ADAMTSL1: variants seen among roughly 807,000 people sequenced by gnomAD.
The protein encoded by ADAMTSL1 is ADAMTS like 1.
Under a neutral mutation model 201.8 loss-of-function variants are expected in ADAMTSL1, and 126 were observed. The observed-to-expected ratio is 0.62, with a 90% confidence interval of 0.54 to 0.72. The LOEUF is 0.72. Ranked by LOEUF, ADAMTSL1 falls within the 30% of genes least tolerant of loss-of-function variation. ADAMTSL1 has a pLI of 0.00. For missense variants in ADAMTSL1, 2,679 were observed against 2,277.8 expected (o/e 1.18, Z -3.59); for synonymous variants, 1,121 against 903.4 (o/e 1.24, Z -4.32).
chr9:18,726,545 C>T (rs1045065421), intron 15 of ADAMTSL1, among the ~76,000 whole-genome samples: 2 of 151,884 alleles, frequency 1.3e-5, no homozygotes, highest in Admixed American at 6.6e-5. Flanking sequence ...CAACTATCTC[C>T]CTGGTTTACA....
At chr9:18,038,632 A>C (rs1374776861) in intron 1 of ADAMTSL1, among the ~76,000 whole-genome samples, 1 of 152,244 alleles carries the variant, frequency 6.6e-6, no homozygotes, top group Non-Finnish European at 1.5e-5. Context: ...TAGATGAACT[A>C]GCATTACCTA....
intron 4 of ADAMTSL1, among the ~76,000 whole-genome samples, chr9:18,611,819 G>A (rs963341847): frequency 1.3e-5 from 2 of 152,138 alleles, no homozygotes; most frequent in Admixed American, 6.6e-5. Flanking sequence ...ATGAAACCAC[G>A]TCCTCCTCTA....
intron 26 of ADAMTSL1, among the ~76,000 whole-genome samples, chr9:18,903,144 G>T (rs1455052924): frequency 6.6e-6 from 1 of 152,152 alleles, no homozygotes; most frequent in African/African-American, 2.4e-5. Flanking sequence ...GGTGGAAGTT[G>T]CAGTGAGCAG....
chr9:18,891,036 A>G (rs1346097087), intron 25 of ADAMTSL1, among the ~76,000 whole-genome samples: 1 of 152,194 alleles, frequency 6.6e-6, no homozygotes, highest in African/African-American at 2.4e-5. Context: ...TGGGTTGGAA[A>G]TCTGCGTTCA....
At chr9:18,013,033 C>A (rs889099967) in intron 1 of ADAMTSL1, among the ~76,000 whole-genome samples, 1 of 150,850 alleles carries the variant, frequency 6.6e-6, no homozygotes, top group Non-Finnish European at 1.5e-5. Context: ...TTAATTTTTC[C>A]TTTTCTTATC....
intron 2 of ADAMTSL1, among the ~76,000 whole-genome samples, chr9:18,415,345 A>G (rs926036074): frequency 9.9e-5 from 15 of 152,282 alleles, no homozygotes; most frequent in Admixed American, 7.9e-4. Context: ...GTAGACATAG[A>G]AGATGTATTT....
intron 20 of ADAMTSL1, among the ~76,000 whole-genome samples, chr9:18,807,425 A>G (rs1823211095): frequency 6.6e-6 from 1 of 152,126 alleles, no homozygotes; most frequent in African/African-American, 2.4e-5. Context: ...CGGGCGGATC[A>G]CGAGGTCAGG....
intron 25 of ADAMTSL1, among the ~76,000 whole-genome samples, chr9:18,891,426 C>T (rs1161155248): frequency 1.3e-5 from 2 of 152,134 alleles, no homozygotes; most frequent in African/African-American, 4.8e-5. Flanking sequence ...CGCGATTTCC[C>T]CAAGCTCTCT....
chr9:18,557,044 G>C (rs1821150307), intron 3 of ADAMTSL1, among the ~76,000 whole-genome samples: 1 of 151,854 alleles, frequency 6.6e-6, no homozygotes, highest in African/African-American at 2.4e-5. Context: ...GAAGTGACAG[G>C]GTCATTAAAC....
Position 18,364,204 on chromosome 9 carries a change from A to C in ADAMTSL1, c.208-140625A>C, listed in dbSNP as rs536889327. 2.7e-3 allele frequency among the ~76,000 whole-genome samples: 413 copies of C among 152,266 alleles called. 5 individuals are homozygous for C. Among genetic ancestry groups the C allele is most frequent in the Non-Finnish European group, 4.9e-3 (331 of 68,006 alleles). On this transcript the variant is annotated intron_variant, in intron 2 of 29. Transcript: ENST00000680146. The stretch of plus-strand genomic sequence containing the variant: ...AGGAGGTCAGAGTGGAGACTCCTTC[A>C]TAAGGCTGCAAAACCTCCCACTCAA...
intron 1 of ADAMTSL1, among the ~76,000 whole-genome samples, chr9:18,015,455 G>A (rs1031556714): frequency 6.6e-6 from 1 of 152,090 alleles, no homozygotes; most frequent in African/African-American, 2.4e-5. Flanking sequence ...GCTTGGAGAT[G>A]AACCACAGAA....
intron 2 of ADAMTSL1, among the ~76,000 whole-genome samples, chr9:18,247,890 G>C (rs1198243431): frequency 6.6e-6 from 1 of 151,986 alleles, no homozygotes; most frequent in Non-Finnish European, 1.5e-5. Flanking sequence ...TATATATATG[G>C]ATTGGATACT....
chr9:18,173,460 A>C (rs1434071248), intron 2 of ADAMTSL1, among the ~76,000 whole-genome samples: 1 of 151,996 alleles, frequency 6.6e-6, no homozygotes, highest in African/African-American at 2.4e-5. Flanking sequence ...TTTACACTTG[A>C]CCTTTGGAAT....
upstream of ADAMTSL1, chr9:18,474,078 ACCCACCC>A: frequency 4.8e-6 from 2 of 420,596 alleles, no homozygotes; most frequent in Non-Finnish European, 4.4e-6. Context: ...CCACCCATCC[ACCCACCC>A]ACCCCTCGGT....
chr9:18,178,497 G>A (rs539899218), intron 2 of ADAMTSL1, among the ~76,000 whole-genome samples: 57 of 151,626 alleles, frequency 3.8e-4, no homozygotes, highest in African/African-American at 9.9e-4. Context: ...CAAAGCAGCC[G>A]GGAAGCTCGA....
At chr9:18,121,018 C>T (rs1825472500) in intron 1 of ADAMTSL1, among the ~76,000 whole-genome samples, 1 of 151,970 alleles carries the variant, frequency 6.6e-6, no homozygotes, top group East Asian at 1.9e-4. Context: ...TTTTTTTTCC[C>T]CTTACAAGAA....
At chr9:18,006,069 T>C (rs1819808067) in intron 1 of ADAMTSL1, among the ~76,000 whole-genome samples, 1 of 151,962 alleles carries the variant, frequency 6.6e-6, no homozygotes, top group Non-Finnish European at 1.5e-5. Flanking sequence ...GGTGGTAAAT[T>C]TGAACAACCA....
At chr9:18,024,574 T>C (rs530236592) in intron 1 of ADAMTSL1, among the ~76,000 whole-genome samples, 8 of 152,298 alleles carry the variant, frequency 5.3e-5, no homozygotes, top group African/African-American at 1.4e-4. Context: ...GCACCATCCA[T>C]GTTGCTGCAA....
At chr9:18,731,490 C>T (rs946526287) in intron 15 of ADAMTSL1, among the ~76,000 whole-genome samples, 1 of 151,660 alleles carries the variant, frequency 6.6e-6, no homozygotes, top group Non-Finnish European at 1.5e-5. Flanking sequence ...AATTAGCCGG[C>T]CACAGTGGCA....
Sources: gnomAD v4.1 joint callset for allele counts (sites outside exome capture counted in the v4.1 genomes callset) on GRCh38, gnomAD v4.1.1 for gene constraint, MANE v1.5 for transcripts, NCBI Gene and HGNC (gene_info 2026-07-23, HGNC 2026-07-21) for gene names.